MECOM: variants seen among roughly 807,000 people sequenced by gnomAD.
MECOM encodes MDS1 and EVI1 complex locus.
In MECOM, 13 loss-of-function variants were observed where a neutral mutation model predicts 116.3. That is an observed-to-expected ratio of 0.11 (90% confidence interval 0.07 to 0.18). The LOEUF (loss-of-function observed/expected upper bound fraction) is 0.18. Ranked by LOEUF, MECOM falls within the 10% of genes least tolerant of loss-of-function variation. The pLI, the probability that MECOM is intolerant of heterozygous loss-of-function variation, is 1.00. For missense variants in MECOM, 1,299 were observed against 1,509.0 expected, an observed-to-expected ratio of 0.86 and a Z score of 2.31; for synonymous variants, 528 against 535.2, an observed-to-expected ratio of 0.99 and a Z score of 0.19.
intron 2 of MECOM, among the ~76,000 whole-genome samples, chr3:169,270,985 C>A (rs1337712985): frequency 1.3e-5 from 2 of 152,070 alleles, no homozygotes; most frequent in Non-Finnish European, 2.9e-5. Context: ...AGTTTGAGTC[C>A]TTCTTGTCCA....
At chr3:169,544,808 G>A (rs1760515188) in intron 1 of MECOM, among the ~76,000 whole-genome samples, 1 of 152,116 alleles carries the variant, frequency 6.6e-6, no homozygotes, top group African/African-American at 2.4e-5. Flanking sequence ...CTCATAAGTG[G>A]GAGTTGAACA....
chr3:169,483,196 ATTTTTAT>A (rs796178899), intron 1 of MECOM, among the ~76,000 whole-genome samples: 41 of 104,768 alleles, frequency 3.9e-4, no homozygotes, highest in East Asian at 9.1e-4. Flanking sequence ...TTTTATTTTT[ATTTTTAT>A]TTTTTTTTTT....
chr3:169,158,808 C>T (rs184419364), intron 2 of MECOM, among the ~76,000 whole-genome samples: 4 of 152,230 alleles, frequency 2.6e-5, no homozygotes, highest in Admixed American at 2.6e-4. Context: ...ATTGCAATGA[C>T]AAGATAAGTA....
chr3:169,496,534 T>G (rs1753838887), intron 1 of MECOM, among the ~76,000 whole-genome samples: 1 of 152,216 alleles, frequency 6.6e-6, no homozygotes, highest in Admixed American at 6.5e-5. Context: ...AAGAGAGGGT[T>G]GCTCTTCCCA....
chr3:169,274,089 T>A (rs1447760993), intron 2 of MECOM, among the ~76,000 whole-genome samples: 1 of 152,020 alleles, frequency 6.6e-6, no homozygotes, highest in African/African-American at 2.4e-5. Context: ...TTTTTGCATT[T>A]TTAGTAGAGA....
intron 9 of MECOM, among the ~76,000 whole-genome samples, chr3:169,110,944 C>T (rs763944903): frequency 6.6e-6 from 1 of 152,082 alleles, no homozygotes; most frequent in Non-Finnish European, 1.5e-5. Flanking sequence ...TTTTGTGATC[C>T]TTAATTAACT....
intron 2 of MECOM, among the ~76,000 whole-genome samples, chr3:169,159,481 C>T (rs908093773): frequency 6.6e-6 from 1 of 152,116 alleles, no homozygotes; most frequent in African/African-American, 2.4e-5. Flanking sequence ...ATTGCTTGAA[C>T]CCGGGAGGCA....
At chr3:169,194,859 C>T (rs550929879) in intron 2 of MECOM, among the ~76,000 whole-genome samples, 219 of 152,150 alleles carry the variant, frequency 1.4e-3, no homozygotes, top group Non-Finnish European at 2.7e-3. Context: ...ATTACACTTA[C>T]ATTCTGCGTG....
chr3:169,537,610 CA>C (rs1307642039), intron 1 of MECOM, among the ~76,000 whole-genome samples: 2 of 151,798 alleles, frequency 1.3e-5, no homozygotes, highest in African/African-American at 2.4e-5. Flanking sequence ...CAGGTCTGGA[CA>C]ATTTTAACGG....
At position 169,121,173 on chromosome 3, in the gene MECOM, G is replaced by A. The variant is rs981426353; in HGVS notation, c.1015C>T (p.Arg339Cys). ...GCCCGGGCACCGACATGCTGAGAGC[G>A]AATGTGCCGCTGAAGGTTGCTAGGG... ...TDPSNLQRHI[R>C]SQHVGARAHA... is the part of the protein sequence containing the mutation. Residue 339 changes from arginine to cysteine, a missense_variant, in exon 7 of 17, where the codon CGC (arginine) becomes TGC (cysteine). Coordinates refer to ENST00000651503, the MANE Select transcript of MECOM (RefSeq NM_004991.4). 3 of 1,612,654 alleles carry A rather than the reference G, an allele frequency of 1.9e-6. No homozygotes were observed. Among genetic ancestry groups the A allele is most frequent in the South Asian group, 1.1e-5 (1 of 90,694 alleles).
chr3:169,333,000 A>C (rs1156611397), intron 2 of MECOM, among the ~76,000 whole-genome samples: 1 of 152,210 alleles, frequency 6.6e-6, no homozygotes, highest in Non-Finnish European at 1.5e-5. Context: ...TTTTAACAAA[A>C]GAAAGTTTTC....
At chr3:169,246,326 C>T (rs769262627) in intron 2 of MECOM, among the ~76,000 whole-genome samples, 8 of 152,140 alleles carry the variant, frequency 5.3e-5, no homozygotes, top group Admixed American at 1.3e-4. Context: ...TATATTTGCA[C>T]ATCCTTCCCA....
At chr3:169,608,135 T>C (rs778024862) in intron 1 of MECOM, among the ~76,000 whole-genome samples, 3 of 152,204 alleles carry the variant, frequency 2.0e-5, no homozygotes, top group Non-Finnish European at 4.4e-5. Context: ...AATGAGGTAC[T>C]TGTGGTGTAA....
At chr3:169,330,140 C>T (rs1722494479) in intron 2 of MECOM, among the ~76,000 whole-genome samples, 1 of 152,150 alleles carries the variant, frequency 6.6e-6, no homozygotes, top group South Asian at 2.1e-4. Context: ...ATCCTCCCAC[C>T]TCAGCCTCCC....
chr3:169,156,801 C>G (rs532291843), intron 2 of MECOM, among the ~76,000 whole-genome samples: 1 of 152,186 alleles, frequency 6.6e-6, no homozygotes, highest in African/African-American at 2.4e-5. Context: ...TTGGCATTAT[C>G]TAGATATGCA....
intron 2 of MECOM, among the ~76,000 whole-genome samples, chr3:169,273,426 A>G (rs1759190480): frequency 6.6e-6 from 1 of 152,202 alleles, no homozygotes; most frequent in Non-Finnish European, 1.5e-5. Flanking sequence ...ATGCTTCCAC[A>G]TAGAAATAAG....
chr3:169,566,278 A>G (rs1263857619), intron 1 of MECOM, among the ~76,000 whole-genome samples: 2 of 152,076 alleles, frequency 1.3e-5, no homozygotes, highest in African/African-American at 4.8e-5. Flanking sequence ...GTTTTAAGAG[A>G]CTAATACATG....
In MECOM at chr3:169,633,782, C is replaced by G. The variant is rs77502963; in HGVS notation, c.37+29554G>C. On this transcript the variant is annotated intron_variant, in intron 1 of 16. Coordinates refer to ENST00000651503, the MANE Select transcript of MECOM (RefSeq NM_004991.4). The stretch of plus-strand genomic sequence containing the variant: ...AAGAAGAGAGGCTAAGGTTGGGGGT[C>G]AAGATGAAGGGAAAACTAAGAAACA... Among the ~76,000 whole-genome samples the G allele has an allele frequency of 1.9e-3, 291 of 149,492 alleles. 3 individuals carry two copies. The East Asian group carries it at 0.047, about 24-fold the overall frequency.
chr3:169,635,356 T>C (rs747759980), intron 1 of MECOM, among the ~76,000 whole-genome samples: 30 of 152,366 alleles, frequency 2.0e-4, no homozygotes, highest in Non-Finnish European at 3.2e-4. Flanking sequence ...TTATAAGCCA[T>C]GGATCACTTC....
Sources: allele counts gnomAD v4.1 joint callset (sites outside exome capture counted in the v4.1 genomes callset), GRCh38; gene constraint gnomAD v4.1.1; transcripts MANE v1.5; gene names NCBI Gene and HGNC (gene_info 2026-07-23, HGNC 2026-07-21).